The following PIEZO1 variants were observed in gnomAD, a reference collection of about 807,000 sequenced individuals.
PIEZO1 encodes the protein piezo type mechanosensitive ion channel component 1 (Er blood group).
PIEZO1 carries 296 observed loss-of-function variants against 297.2 expected under a neutral mutation model. The ratio of observed to expected loss-of-function variants is 1.00; its 90% confidence interval spans 0.91 to 1.10. The LOEUF (loss-of-function observed/expected upper bound fraction) is 1.10. Ranked by LOEUF, PIEZO1 falls within the 50% of genes least tolerant of loss-of-function variation. PIEZO1 has a pLI of 0.00. For missense variants in PIEZO1, 5,018 were observed against 3,455.5 expected (o/e 1.45, Z -11.34); for synonymous variants, 2,427 against 1,507.5 (o/e 1.61, Z -14.13).
At chr16:88,724,953 A>AG in intron 30 of PIEZO1, 56 bp downstream of exon 30, 1 of 1,115,646 alleles carries the variant, frequency 9.0e-7, no homozygotes, top group Non-Finnish European at 1.2e-6. Flanking sequence ...GGCAGAGGAC[A>AG]GATGGGGGCA....
In PIEZO1 at chr16:88,734,001, T is replaced by G; in HGVS notation, c.2234A>C (p.Gln745Pro). The G allele has an allele frequency of 6.5e-7, 1 of 1,547,650 alleles. No homozygotes were observed. The highest frequency in any genetic ancestry group is 8.7e-7 in the Non-Finnish European group (1 of 1,144,822). ...CTCCTCCTCCTCCTGCTGCTGCTGC[T>G]GATGCTCCTGCTGCTCCTCCCGCAG... ...PLLREEQQEH[Q>P]QQQQEEEEEE... The change falls in exon 17 of 51, where the codon CAG becomes CCG. Residue 745 changes from glutamine (Q) to proline (P), a missense_variant. Coordinates refer to ENST00000301015, the MANE Select transcript of PIEZO1 (RefSeq NM_001142864.4).
rs535637222 is a variant in PIEZO1 at position 88,735,475 on chromosome 16, G to A, written c.1558-229C>T. ...TGGATGAGTGCATGGGTTCACTTGC[G>A]CTCACACGCAGAGTCACACACGGGT... On this transcript the variant is annotated intron_variant, in intron 12 of 50. Coordinates refer to ENST00000301015, the MANE Select transcript of PIEZO1 (RefSeq NM_001142864.4). 1.9e-4 allele frequency among the ~76,000 whole-genome samples: 29 copies of A among 152,386 alleles called. No individual in the cohort carries two copies. The East Asian group carries it at 3.3e-3, about 17-fold the overall frequency.
intron 1 of PIEZO1, among the ~76,000 whole-genome samples, chr16:88,780,400 G>C (rs1331693978): frequency 1.4e-5 from 1 of 71,694 alleles, no homozygotes; most frequent in Non-Finnish European, 2.9e-5. Flanking sequence ...GTAGGGGAAG[G>C]GGGGGTCCCA....
rs907801790 is a variant in PIEZO1, at chr16:88,722,675, G to T, written c.4683C>A (p.His1561Gln). 3.3e-6 allele frequency: 5 copies of T among 1,537,688 alleles called. No individual in the cohort carries two copies. Among genetic ancestry groups the T allele is most frequent in the Non-Finnish European group, 3.5e-6 (4 of 1,146,412 alleles). ...TGTACAGCTGATCCAGCACGCCCCT[G>T]TGCACTTCGCCGCCCTGCAGGGCAC... Reference protein sequence around the residue: ...TQELLQGGEVHRGVLDQLYTS... With the variant: ...TQELLQGGEVQRGVLDQLYTS... The change falls in exon 35 of 51, where the codon CAC (histidine) becomes CAA (glutamine). Residue 1561 changes from histidine (H) to glutamine (Q), a missense_variant. Coordinates refer to ENST00000301015, the MANE Select transcript of PIEZO1 (RefSeq NM_001142864.4).
At chr16:88,750,139 A>C (rs1252632103) in intron 1 of PIEZO1, among the ~76,000 whole-genome samples, 4 of 151,960 alleles carry the variant, frequency 2.6e-5, no homozygotes, top group Admixed American at 2.6e-4. Flanking sequence ...GTTCAAGACC[A>C]GCCTGGCCAA....
chr16:88,774,651 G>C (rs2968480), intron 1 of PIEZO1, among the ~76,000 whole-genome samples: 8,526 of 152,278 alleles, frequency 0.056, 279 homozygotes, highest in Middle Eastern at 0.095. Flanking sequence ...TCCCGCGCTG[G>C]ACCCATGAAG....
At chr16:88,765,858 G>C (rs554536730) in intron 1 of PIEZO1, among the ~76,000 whole-genome samples, 1 of 152,138 alleles carries the variant, frequency 6.6e-6, no homozygotes, top group South Asian at 2.1e-4. Flanking sequence ...ATTTTCAGTA[G>C]AGATGGGGTT....
intron 1 of PIEZO1, among the ~76,000 whole-genome samples, chr16:88,776,593 C>T (rs1179276846): frequency 2.0e-5 from 3 of 152,184 alleles, no homozygotes; most frequent in Non-Finnish European, 2.9e-5. Context: ...AGGCTGTGTG[C>T]TCAGGGCATC....
At chr16:88,768,698 C>T (rs978762442) in intron 1 of PIEZO1, among the ~76,000 whole-genome samples, 1 of 152,216 alleles carries the variant, frequency 6.6e-6, no homozygotes, top group African/African-American at 2.4e-5. Flanking sequence ...AGGATGGATG[C>T]GCCCTTCCTG....
intron 1 of PIEZO1, among the ~76,000 whole-genome samples, chr16:88,758,275 C>G (rs1265841869): frequency 6.6e-6 from 1 of 152,136 alleles, no homozygotes; most frequent in Non-Finnish European, 1.5e-5. Flanking sequence ...AAGGCTCCCA[C>G]CACTCTGGGT....
In PIEZO1 at chr16:88,720,616, A is replaced by C; in HGVS notation, c.5801T>G (p.Leu1934Arg). The C allele has an allele frequency of 6.5e-7, 1 of 1,540,046 alleles. No homozygotes were observed. The highest frequency in any genetic ancestry group is 8.7e-7 in the Non-Finnish European group (1 of 1,144,088). ...GCTGCCCCCGGCCGCCATCACTCACAGGGACAGGCAGAAGCCCTGCAGCCG... is the reference window on the plus strand; with the variant it reads ...GCTGCCCCCGGCCGCCATCACTCACCGGGACAGGCAGAAGCCCTGCAGCCG... ...GRRLQGFCLSLAQGTYRPLRR... is the reference protein window; with the variant it reads ...GRRLQGFCLSRAQGTYRPLRR... Residue 1934 changes from leucine to arginine, a missense_variant and splice_region_variant, in exon 40 of 51, where the codon CTG becomes CGG. By Grantham distance (102) the Leu-to-Arg change is moderately radical. Transcript: ENST00000301015.
At position 88,726,454 on chromosome 16, in the gene PIEZO1, G is replaced by C. The variant is rs752255008; in HGVS notation, c.3798C>G (p.Pro1266=). 20 of 1,549,242 alleles carry C rather than the reference G, an allele frequency of 1.3e-5. No homozygotes were observed. The highest frequency in any genetic ancestry group is 1.7e-5 in the Non-Finnish European group (19 of 1,146,108). The part of the protein sequence containing the change: ...LVCTVKGYYD[P]KEMMDRDQDC... ...CCTGGTCTCTGTCCATCATCTCCTT[G>C]GCTGCAAGGCAGGCACCGGCAAGGG... is the stretch of plus-strand genomic sequence containing the variant. Residue 1266 remains proline, a splice_region_variant and synonymous_variant, in exon 27 of 51, where the codon CCC becomes CCG. Coordinates refer to ENST00000301015, the MANE Select transcript of PIEZO1 (RefSeq NM_001142864.4).
At chr16:88,738,521 A>G in intron 6 of PIEZO1, 47 bp downstream of exon 6, 1 of 1,529,064 alleles carries the variant, frequency 6.5e-7, no homozygotes, top group Non-Finnish European at 8.8e-7. Flanking sequence ...GGAACTCCCA[A>G]GACCCCTCCC....
At chr16:88,737,700 T>C in intron 9 of PIEZO1, 28 bp downstream of exon 9, 1 of 1,533,952 alleles carries the variant, frequency 6.5e-7, no homozygotes, top group Non-Finnish European at 8.7e-7. Context: ...CCCCCCACGC[T>C]GGCGTCTCCA....
At chr16:88,757,238 G>A (rs1187346805) in intron 1 of PIEZO1, among the ~76,000 whole-genome samples, 1 of 151,156 alleles carries the variant, frequency 6.6e-6, no homozygotes, top group Non-Finnish European at 1.5e-5. Flanking sequence ...GATGCATTGA[G>A]GTTAGGAGGA....
chr16:88,769,958 G>A (rs1025459725), intron 1 of PIEZO1, among the ~76,000 whole-genome samples: 1 of 152,300 alleles, frequency 6.6e-6, no homozygotes, highest in East Asian at 1.9e-4. Flanking sequence ...CGGGGCAGCA[G>A]GGGGCTCTGA....
rs566158204 is a variant in PIEZO1 at position 88,754,802 on chromosome 16, T to C, written c.65-5323A>G. Among the ~76,000 whole-genome samples the C allele has an allele frequency of 4.2e-3, 636 of 152,288 alleles. 4 individuals are homozygous for C. The highest frequency in any genetic ancestry group is 0.015 in the African/African-American group (608 of 41,554). ...AGAGCAGGACGTGGTGCAGAAAGAC[T>C]GCGGCCCACACGGGTGGGTGACCCG... On this transcript the variant is annotated intron_variant, in intron 1 of 50. Coordinates refer to ENST00000301015, the MANE Select transcript of PIEZO1 (RefSeq NM_001142864.4).
At position 88,722,201 on chromosome 16, in the gene PIEZO1, G is replaced by A; in HGVS notation, c.4955+17C>T. The A allele has an allele frequency of 1.3e-6, 2 of 1,541,510 alleles. No individual in the cohort carries two copies. The highest frequency in any genetic ancestry group is 2.0e-4 in the Middle Eastern group (1 of 5,108). On this transcript the variant is annotated intron_variant, in intron 36 of 50. Coordinates refer to ENST00000301015, the MANE Select transcript of PIEZO1 (RefSeq NM_001142864.4). ...AGGGCCATGGTGAGGCTGGTGTTGTGCGCGTCCCGCCCCCACCTGTCCAGG... is the reference window on the plus strand; with the variant it reads ...AGGGCCATGGTGAGGCTGGTGTTGTACGCGTCCCGCCCCCACCTGTCCAGG...
chr16:88,736,039 C>T (rs1307613693), intron 12 of PIEZO1, 109 bp downstream of exon 12: 16 of 1,129,278 alleles, frequency 1.4e-5, no homozygotes, highest in Non-Finnish European at 1.7e-5. Flanking sequence ...ACAGACACAT[C>T]TGCCTTCTTG....
Sources: gnomAD v4.1 joint callset for allele counts (sites outside exome capture counted in the v4.1 genomes callset) on GRCh38, gnomAD v4.1.1 for gene constraint, MANE v1.5 for transcripts, NCBI Gene and HGNC (gene_info 2026-07-23, HGNC 2026-07-21) for gene names.